PARN: variants seen among roughly 807,000 people sequenced by gnomAD.
PARN encodes the protein poly(A)-specific ribonuclease PARN.
Under a neutral mutation model 102.8 loss-of-function variants are expected in PARN, and 71 were observed. The ratio of observed to expected loss-of-function variants is 0.69; its 90% confidence interval spans 0.57 to 0.84. PARN has a LOEUF of 0.84. PARN is among the 40% of genes least tolerant of loss of function. The pLI, the probability that PARN is intolerant of heterozygous loss-of-function variation, is 0.00. For missense variants in PARN, 782 were observed against 760.9 expected (o/e 1.03, Z -0.33); for synonymous variants, 261 against 252.9 (o/e 1.03, Z -0.30).
chr16:14,458,249 T>C (rs558780050), intron 22 of PARN, among the ~76,000 whole-genome samples: 8 of 152,310 alleles, frequency 5.3e-5, no homozygotes, highest in African/African-American at 1.9e-4. Context: ...ATTTAGAACA[T>C]CTGAAATTTT....
chr16:14,573,873 T>C (rs895185414), intron 18 of PARN, among the ~76,000 whole-genome samples: 5 of 152,226 alleles, frequency 3.3e-5, no homozygotes, highest in East Asian at 3.8e-4. Flanking sequence ...TAAACCTCTT[T>C]CTTTTGTAAA....
intron 21 of PARN, among the ~76,000 whole-genome samples, chr16:14,483,834 C>G (rs1300188009): frequency 6.6e-6 from 1 of 152,142 alleles, no homozygotes; most frequent in Non-Finnish European, 1.5e-5. Context: ...ACTACATATG[C>G]ATTTTTTTGT....
chr16:14,626,514 T>A (rs1055173429), intron 5 of PARN, among the ~76,000 whole-genome samples: 1 of 152,244 alleles, frequency 6.6e-6, no homozygotes, highest in East Asian at 1.9e-4. Flanking sequence ...AAATCCCAAA[T>A]GGAGTTACGA....
intron 22 of PARN, among the ~76,000 whole-genome samples, chr16:14,467,372 T>A (rs1046911887): frequency 1.3e-5 from 2 of 152,158 alleles, no homozygotes; most frequent in African/African-American, 4.8e-5. Context: ...AGAAACACAA[T>A]GCTTCTTGCC....
intron 21 of PARN, among the ~76,000 whole-genome samples, chr16:14,537,785 G>A (rs1177605203): frequency 1.3e-5 from 2 of 152,132 alleles, no homozygotes; most frequent in African/African-American, 4.8e-5. Flanking sequence ...AGGGTAGAGG[G>A]AAGAGGAGGA....
chr16:14,574,395 A>C (rs1968988978), intron 18 of PARN, among the ~76,000 whole-genome samples: 1 of 152,118 alleles, frequency 6.6e-6, no homozygotes, highest in Non-Finnish European at 1.5e-5. Flanking sequence ...AAGTTTGGAA[A>C]ATTTGAAACC....
chr16:14,507,137 A>G (rs1199126725), intron 21 of PARN, among the ~76,000 whole-genome samples: 3 of 150,920 alleles, frequency 2.0e-5, no homozygotes. Flanking sequence ...GACCAGCCTG[A>G]CCAACATGGA....
chr16:14,520,754 C>G (rs1481932992), intron 21 of PARN, among the ~76,000 whole-genome samples: 4 of 151,734 alleles, frequency 2.6e-5, no homozygotes, highest in African/African-American at 9.7e-5. Flanking sequence ...CCAGTGAATA[C>G]AATATGGATC....
At chr16:14,540,020 A>G (rs1377945958) in intron 21 of PARN, among the ~76,000 whole-genome samples, 1 of 152,238 alleles carries the variant, frequency 6.6e-6, no homozygotes, top group Non-Finnish European at 1.5e-5. Flanking sequence ...TGCAAAAATT[A>G]TAGCATTTTA....
At chr16:14,456,874 T>C (rs1961705452) in intron 22 of PARN, among the ~76,000 whole-genome samples, 1 of 152,220 alleles carries the variant, frequency 6.6e-6, no homozygotes, top group Admixed American at 6.5e-5. Flanking sequence ...TTCATTCCTC[T>C]GCCCTGTTTT....
chr16:14,611,038 A>G (rs946822747), intron 6 of PARN, among the ~76,000 whole-genome samples: 1 of 152,224 alleles, frequency 6.6e-6, no homozygotes, highest in African/African-American at 2.4e-5. Flanking sequence ...CCAAAGCATT[A>G]TATTAGGCAC....
chr16:14,453,050 A>C (rs1242175041), intron 22 of PARN, among the ~76,000 whole-genome samples: 2 of 152,192 alleles, frequency 1.3e-5, no homozygotes, highest in African/African-American at 4.8e-5. Flanking sequence ...TTAAAAGTCA[A>C]AAGGTAAAAT....
chr16:14,608,167 T>C, intron 9 of PARN, 114 bp downstream of exon 9: 3 of 754,832 alleles, frequency 4.0e-6, no homozygotes, highest in South Asian at 1.7e-5. Flanking sequence ...CTTCATGTAG[T>C]CAAATCACTG....
intron 8 of PARN, among the ~76,000 whole-genome samples, chr16:14,608,762 C>T (rs777509884): frequency 2.4e-4 from 37 of 152,184 alleles, no homozygotes; most frequent in Non-Finnish European, 5.0e-4. Context: ...GAAGCCTTCA[C>T]GTATTAAGCG....
At chr16:14,619,960 C>T (rs1972189640) in intron 5 of PARN, among the ~76,000 whole-genome samples, 1 of 150,124 alleles carries the variant, frequency 6.7e-6, no homozygotes, top group Non-Finnish European at 1.5e-5. Context: ...ATCCCAGCTA[C>T]TCAGCAGGCT....
chr16:14,566,092 C>T (rs932201425), intron 18 of PARN, among the ~76,000 whole-genome samples: 1 of 152,186 alleles, frequency 6.6e-6, no homozygotes, highest in African/African-American at 2.4e-5. Flanking sequence ...ACTAACCTGC[C>T]TACAGTGGGC....
rs1433467552 is a variant in PARN at position 14,607,366 on chromosome 16, T to C, written c.660-840A>G. 3.9e-5 allele frequency among the ~76,000 whole-genome samples: 6 copies of C among 152,082 alleles called. No homozygotes were observed. In the East Asian group the frequency reaches 5.8e-4, roughly 15 times the overall value. ...GGGATTACAGGCATGTGCCACCATG[T>C]CCGGCTAAATTTTGTATTTGTAGTA... On this transcript the variant is annotated intron_variant, in intron 9 of 23. Transcript: ENST00000437198.
Position 14,436,579 on chromosome 16 carries a change from C to A in PARN, c.*138G>T, listed in dbSNP as rs1443147280. 9.5e-6 allele frequency: 6 copies of A among 630,478 alleles called. No individual in the cohort carries two copies. The East Asian group carries it at 1.1e-4, about 12-fold the overall frequency. 39.1% of individuals were successfully genotyped at this position (630,478 alleles called of 1,614,324 possible). A position where few individuals can be genotyped will look rare whatever the true frequency, so the allele number is the denominator to read the frequency against. Reference sequence around the variant, plus strand: ...GCCACAAAAATAAAACCTGTTTTCTCCCCCCCAGGAGACAACTTGGTTTCC... The same window carrying A: ...GCCACAAAAATAAAACCTGTTTTCTACCCCCCAGGAGACAACTTGGTTTCC... On this transcript the variant is annotated 3_prime_UTR_variant, in exon 24 of 24. Transcript: ENST00000437198.
Position 14,584,801 on chromosome 16 carries a change from AT to A in PARN, c.963-11del, listed in dbSNP as rs756034248. ...TTTAGTATCCAAGAGTCTAAAAAGA[AT>A]TTTTAACAAGGTAAACAAAATGTAT... On this transcript the variant is annotated splice_polypyrimidine_tract_variant and intron_variant, in intron 14 of 23. Coordinates refer to ENST00000437198, the MANE Select transcript of PARN (RefSeq NM_002582.4). 8 of 1,510,290 alleles carry A rather than the reference AT, an allele frequency of 5.3e-6. No individual in the cohort carries two copies. The South Asian group carries it at 8.6e-5, about 16-fold the overall frequency. 93.6% of individuals were successfully genotyped at this position (1,510,290 alleles called of 1,614,324 possible).
Sources: gnomAD v4.1 joint callset for allele counts (sites outside exome capture counted in the v4.1 genomes callset) on GRCh38, gnomAD v4.1.1 for gene constraint, MANE v1.5 for transcripts, NCBI Gene and HGNC (gene_info 2026-07-23, HGNC 2026-07-21) for gene names.